The following CSMD1 variants were observed in gnomAD, a reference collection of about 807,000 sequenced individuals.
CSMD1 encodes CUB and Sushi multiple domains 1.
CSMD1 carries 213 observed loss-of-function variants against 417.5 expected under a neutral mutation model. The observed-to-expected ratio is 0.51, with a 90% CI of 0.46 to 0.57. The LOEUF is 0.57. Ranked by LOEUF, CSMD1 falls within the 20% of genes least tolerant of loss-of-function variation. CSMD1 has a pLI of 0.00. For synonymous variants in CSMD1, 2,862 were observed against 1,736.8 expected (o/e 1.65, Z -16.11); for missense variants, 6,923 against 4,529.7 (o/e 1.53, Z -15.17).
chr8:3,238,025 G>C (rs1268676037), intron 26 of CSMD1, among the ~76,000 whole-genome samples: 2 of 151,620 alleles, frequency 1.3e-5, no homozygotes, highest in South Asian at 2.1e-4. Context: ...CCACCAAACA[G>C]GCTTTGTGTG....
intron 3 of CSMD1, among the ~76,000 whole-genome samples, chr8:4,067,990 T>G (rs1799341063): frequency 6.6e-6 from 1 of 151,930 alleles, no homozygotes; most frequent in African/African-American, 2.4e-5. Flanking sequence ...GAAAGGAGAA[T>G]CACCTGAACC....
intron 11 of CSMD1, among the ~76,000 whole-genome samples, chr8:3,482,271 G>C (rs542272810): frequency 8.5e-4 from 129 of 151,970 alleles, no homozygotes; most frequent in African/African-American, 3.1e-3. Flanking sequence ...CAAATAATGA[G>C]GCTTAAAATA....
At chr8:4,025,232 T>C (rs1355930175) in intron 4 of CSMD1, among the ~76,000 whole-genome samples, 1 of 152,210 alleles carries the variant, frequency 6.6e-6, no homozygotes, top group East Asian at 1.9e-4. Context: ...GGAGGAGGAT[T>C]TTCTAAATAC....
At chr8:3,949,809 G>C (rs1045193973) in intron 5 of CSMD1, 1 of 420,318 alleles carries the variant, frequency 2.4e-6, no homozygotes, top group Non-Finnish European at 4.8e-6. Context: ...TGGAAAGCTG[G>C]GGCAATGACC....
chr8:3,953,596 C>A (rs1210974283), intron 5 of CSMD1, among the ~76,000 whole-genome samples: 1 of 152,060 alleles, frequency 6.6e-6, no homozygotes, highest in East Asian at 1.9e-4. Context: ...AAGTGGGTCA[C>A]TGCGCCCAAG....
At chr8:3,485,798 AAAATAAAATAAAATAAAAT>A (rs1817998575) in intron 11 of CSMD1, among the ~76,000 whole-genome samples, 2 of 149,492 alleles carry the variant, frequency 1.3e-5, no homozygotes, top group African/African-American at 4.9e-5. Flanking sequence ...AAAATAAAAT[AAAATAAAATAAAATAAAAT>A]AAAATAAAAT....
At chr8:3,821,397 A>G (rs1801727322) in intron 5 of CSMD1, among the ~76,000 whole-genome samples, 1 of 152,196 alleles carries the variant, frequency 6.6e-6, no homozygotes, top group African/African-American at 2.4e-5. Context: ...CACCATCACC[A>G]CACACACGCG....
chr8:3,512,606 T>C lies in CSMD1; in HGVS notation c.1345-18880A>G, dbSNP rs866498364. Reference sequence around the variant, plus strand: ...AGCTTACTTTAATTTTTTTCTTTTTTTTTTTTTTTTTTTAAGACAGAGTCT... The same window carrying C: ...AGCTTACTTTAATTTTTTTCTTTTTCTTTTTTTTTTTTTAAGACAGAGTCT... On this transcript the variant is annotated intron_variant, in intron 10 of 69. Transcript: ENST00000635120. 7.1e-3 allele frequency among the ~76,000 whole-genome samples: 1,075 copies of C among 150,524 alleles called. 4 individuals are homozygous for C. Among genetic ancestry groups the C allele is most frequent in the African/African-American group, 0.01 (414 of 41,018 alleles).
At chr8:3,317,725 C>T (rs919680180) in intron 23 of CSMD1, among the ~76,000 whole-genome samples, 2 of 152,140 alleles carry the variant, frequency 1.3e-5, no homozygotes, top group East Asian at 3.9e-4. Context: ...AATATCATGC[C>T]TTGTACACAT....
At chr8:2,999,626 C>G (rs928910594) in intron 53 of CSMD1, among the ~76,000 whole-genome samples, 23 of 152,178 alleles carry the variant, frequency 1.5e-4, no homozygotes, top group African/African-American at 5.5e-4. Flanking sequence ...CTACTATCAG[C>G]TTTTCTCTCC....
chr8:3,210,745 A>G (rs1797556842), intron 30 of CSMD1, among the ~76,000 whole-genome samples: 1 of 150,922 alleles, frequency 6.6e-6, no homozygotes, highest in South Asian at 2.1e-4. Context: ...TTAGCCACAG[A>G]AAAGGTATTT....
chr8:4,695,840 G>C (rs879485601), intron 1 of CSMD1, among the ~76,000 whole-genome samples: 1 of 152,222 alleles, frequency 6.6e-6, no homozygotes, highest in Admixed American at 6.5e-5. Context: ...ATAATAAACA[G>C]AGGATCATCT....
intron 37 of CSMD1, among the ~76,000 whole-genome samples, chr8:3,175,515 TCC>T (rs561215828): frequency 7.1e-4 from 54 of 75,702 alleles, no homozygotes; most frequent in East Asian, 1.3e-3. Context: ...CTGCCTTTTT[TCC>T]TTCCTTCCTT....
At chr8:3,974,803 T>C (rs577418682) in intron 5 of CSMD1, among the ~76,000 whole-genome samples, 3 of 152,284 alleles carry the variant, frequency 2.0e-5, no homozygotes, top group African/African-American at 7.2e-5. Context: ...TCACAATTTT[T>C]TATAAAGCAT....
At chr8:3,801,280 C>T (rs1438011192) in intron 5 of CSMD1, among the ~76,000 whole-genome samples, 1 of 151,876 alleles carries the variant, frequency 6.6e-6, no homozygotes, top group Middle Eastern at 3.2e-3. Context: ...AAAACCCTAA[C>T]AATTAAAAAT....
chr8:3,216,779 A>T (rs115464619), intron 29 of CSMD1, among the ~76,000 whole-genome samples: 813 of 152,368 alleles, frequency 5.3e-3, no homozygotes, highest in African/African-American at 0.012. Context: ...ATCAGAGGCC[A>T]GGTGGATTGC....
intron 2 of CSMD1, among the ~76,000 whole-genome samples, chr8:4,438,010 T>A (rs193168555): frequency 4.7e-4 from 71 of 152,226 alleles, no homozygotes; most frequent in African/African-American, 1.6e-3. Context: ...TGATCTGCAT[T>A]TAAAAGGGGG....
At chr8:4,285,497 A>G (rs1448262437) in intron 3 of CSMD1, among the ~76,000 whole-genome samples, 1 of 152,184 alleles carries the variant, frequency 6.6e-6, no homozygotes. Flanking sequence ...TTCCAAATAT[A>G]AAGAGGATGA....
intron 5 of CSMD1, among the ~76,000 whole-genome samples, chr8:3,869,673 A>C (rs1424039907): frequency 6.6e-6 from 1 of 152,090 alleles, no homozygotes; most frequent in Non-Finnish European, 1.5e-5. Context: ...CACAGGAGGA[A>C]AGGTGCACAG....
Sources: allele counts gnomAD v4.1 joint callset (sites outside exome capture counted in the v4.1 genomes callset), GRCh38; gene constraint gnomAD v4.1.1; transcripts MANE v1.5; gene names NCBI Gene and HGNC (gene_info 2026-07-23, HGNC 2026-07-21).